Variants in CYP2C18 observed in about 807,000 individuals in gnomAD.
CYP2C18 encodes cytochrome P450 2C18.
A neutral mutation model predicts 41.3 loss-of-function variants in CYP2C18; 38 were observed. The observed-to-expected ratio is 0.92, with a 90% CI of 0.71 to 1.21. The LOEUF is 1.21. Among genes scored for constraint, CYP2C18 ranks in the 50% most tolerant of loss-of-function variants. The pLI, the probability that CYP2C18 is intolerant of heterozygous loss-of-function variation, is 0.00. For synonymous variants in CYP2C18, 236 were observed against 210.0 expected, an observed-to-expected ratio of 1.12 and a Z score of -1.07; for missense variants, 635 against 591.4, an observed-to-expected ratio of 1.07 and a Z score of -0.77.
chr10:94,725,248 A>G (rs1847720083), intron 7 of CYP2C18, among the ~76,000 whole-genome samples: 1 of 151,530 alleles, frequency 6.6e-6, no homozygotes, highest in Non-Finnish European at 1.5e-5. Flanking sequence ...CTTTTAAATA[A>G]TATACTTTAA....
At chr10:94,700,234 A>C (rs888382000) in intron 4 of CYP2C18, among the ~76,000 whole-genome samples, 1 of 152,218 alleles carries the variant, frequency 6.6e-6, no homozygotes, top group African/African-American at 2.4e-5. Context: ...ACTATACTAC[A>C]AGGCTACAGT....
At chr10:94,713,327 C>T (rs184596937) in intron 5 of CYP2C18, among the ~76,000 whole-genome samples, 1 of 152,050 alleles carries the variant, frequency 6.6e-6, no homozygotes, top group East Asian at 1.9e-4. Context: ...GCTATCCCTC[C>T]CCGCTCCCCC....
chr10:94,692,778 C>T (rs1847030279), intron 3 of CYP2C18, among the ~76,000 whole-genome samples: 1 of 152,150 alleles, frequency 6.6e-6, no homozygotes, highest in Non-Finnish European at 1.5e-5. Context: ...ACCCAAGTGT[C>T]CAACAACGAT....
chr10:94,701,897 G>A (rs958536663), intron 4 of CYP2C18, among the ~76,000 whole-genome samples: 2 of 152,086 alleles, frequency 1.3e-5, no homozygotes, highest in African/African-American at 4.8e-5. Flanking sequence ...ATGAAAAATT[G>A]CACTCACTGG....
chr10:94,692,035 A>C, intron 3 of CYP2C18, among the ~76,000 whole-genome samples: 1 of 152,238 alleles, frequency 6.6e-6, no homozygotes, highest in Non-Finnish European at 1.5e-5. Flanking sequence ...AAGATGGATT[A>C]AAGACTTAAA....
chr10:94,684,760 T>C (rs1407136345), intron 1 of CYP2C18, among the ~76,000 whole-genome samples: 1 of 152,110 alleles, frequency 6.6e-6, no homozygotes, highest in Non-Finnish European at 1.5e-5. Context: ...TTTTGTTTTT[T>C]TTAGGAACAT....
intron 7 of CYP2C18, chr10:94,728,433 C>G (rs1472242991): frequency 1.3e-5 from 2 of 152,874 alleles, no homozygotes; most frequent in African/African-American, 4.8e-5. Context: ...TATTACTTTC[C>G]CAAATAATTT....
chr10:94,732,360 T>C (rs1039652803), intron 7 of CYP2C18, among the ~76,000 whole-genome samples: 3 of 152,194 alleles, frequency 2.0e-5, no homozygotes, highest in Non-Finnish European at 4.4e-5. Context: ...GGAACACTTA[T>C]AGGCTCTTGG....
chr10:94,701,458 G>A (rs1009201943), intron 4 of CYP2C18, among the ~76,000 whole-genome samples: 5 of 152,038 alleles, frequency 3.3e-5, no homozygotes, highest in African/African-American at 1.2e-4. Flanking sequence ...ATCACACACT[G>A]GGGCCTGTTG....
intron 5 of CYP2C18, among the ~76,000 whole-genome samples, chr10:94,708,471 T>C: frequency 6.6e-6 from 1 of 152,218 alleles, no homozygotes; most frequent in South Asian, 2.1e-4. Context: ...GTAAGGTCTA[T>C]GGTGTTTCAG....
chr10:94,700,146 C>G (rs539712700), intron 4 of CYP2C18, among the ~76,000 whole-genome samples: 106 of 152,210 alleles, frequency 7.0e-4, no homozygotes, highest in Non-Finnish European at 1.1e-3. Context: ...TCATATGGAA[C>G]CAAAAAAGAG....
At chr10:94,685,218 G>C (rs1351006615) in intron 1 of CYP2C18, among the ~76,000 whole-genome samples, 1 of 151,992 alleles carries the variant, frequency 6.6e-6, no homozygotes, top group African/African-American at 2.4e-5. Flanking sequence ...ATGCTTTGTA[G>C]AGATGTGGTC....
Position 94,706,808 on chromosome 10 carries a change from A to T in CYP2C18, c.667A>T (p.Ile223Phe). Residue 223 changes from isoleucine (I) to phenylalanine (F), a missense_variant, in exon 5 of 9, where the codon ATC becomes TTC. By Grantham distance (21) the Ile-to-Phe change is conservative. Transcript: ENST00000285979. Reference protein sequence around the residue: ...IQVCNNFPALIDYLPGSHNKI... With the variant: ...IQVCNNFPALFDYLPGSHNKI... ...GGTCTGCAATAATTTCCCTGCTCTC[A>T]TCGATTATCTCCCAGGAAGTCATAA... The T allele has an allele frequency of 6.3e-7, 1 of 1,598,232 alleles. No individual in the cohort carries two copies.
intron 3 of CYP2C18, among the ~76,000 whole-genome samples, chr10:94,693,446 A>G (rs568068903): frequency 2.3e-4 from 35 of 152,316 alleles, no homozygotes; most frequent in Middle Eastern, 3.4e-3. Flanking sequence ...CTCTTTTCTT[A>G]TAAATTACCT....
chr10:94,728,996 AG>A (rs1847788080), intron 7 of CYP2C18, among the ~76,000 whole-genome samples: 1 of 152,284 alleles, frequency 6.6e-6, no homozygotes, highest in Non-Finnish European at 1.5e-5. Context: ...AAGATACTGA[AG>A]GTGACATCAA....
intron 7 of CYP2C18, among the ~76,000 whole-genome samples, chr10:94,732,932 CAACAACA>C (rs1235372978): frequency 6.6e-6 from 1 of 151,992 alleles, no homozygotes; most frequent in African/African-American, 2.4e-5. Flanking sequence ...GTCCTGCAAA[CAACAACA>C]AAAAAGGTAA....
intron 5 of CYP2C18, among the ~76,000 whole-genome samples, chr10:94,710,236 G>A (rs79224737): frequency 1.3e-5 from 2 of 152,210 alleles, no homozygotes; most frequent in Non-Finnish European, 2.9e-5. Flanking sequence ...CTCCCAGATT[G>A]CTGGGATCAC....
chr10:94,704,711 C>A (rs990838836), intron 4 of CYP2C18, among the ~76,000 whole-genome samples: 1 of 152,102 alleles, frequency 6.6e-6, no homozygotes. Flanking sequence ...TAGCCTGTCC[C>A]GCTCTGGGCA....
intron 7 of CYP2C18, among the ~76,000 whole-genome samples, chr10:94,726,362 C>T (rs1312847751): frequency 6.6e-6 from 1 of 152,052 alleles, no homozygotes; most frequent in African/African-American, 2.4e-5. Flanking sequence ...CCAACATCCC[C>T]CACAGGCCCT....
Sources: allele counts gnomAD v4.1 joint callset (sites outside exome capture counted in the v4.1 genomes callset), GRCh38; gene constraint gnomAD v4.1.1; transcripts MANE v1.5; gene names NCBI Gene and HGNC (gene_info 2026-07-23, HGNC 2026-07-21).